Variants in PPARGC1B observed in about 807,000 individuals in gnomAD.
PPARGC1B encodes the protein peroxisome proliferator-activated receptor gamma coactivator 1-beta.
Under a neutral mutation model 101.6 loss-of-function variants are expected in PPARGC1B, and 34 were observed. That is an observed-to-expected ratio of 0.33 (90% CI 0.25 to 0.45). The LOEUF is 0.45. Among genes scored for constraint, PPARGC1B ranks in the 20% least tolerant of loss-of-function variants. The pLI is 1.00. For missense variants in PPARGC1B, 1,234 were observed against 1,317.6 expected, an observed-to-expected ratio of 0.94 and a Z score of 0.98; for synonymous variants, 548 against 539.3, an observed-to-expected ratio of 1.02 and a Z score of -0.22.
chr5:149,810,709 G>A (rs1300925345), intron 1 of PPARGC1B, among the ~76,000 whole-genome samples: 1 of 152,230 alleles, frequency 6.6e-6, no homozygotes, highest in East Asian at 1.9e-4. Flanking sequence ...AAAGTGGCCT[G>A]TCTGGAAACT....
At chr5:149,757,803 G>A (rs1034528294) in intron 1 of PPARGC1B, among the ~76,000 whole-genome samples, 2 of 152,190 alleles carry the variant, frequency 1.3e-5, no homozygotes, top group Non-Finnish European at 2.9e-5. Context: ...AACTAGCGTG[G>A]CTAGCTCATG....
chr5:149,817,513 G>A (rs540749210), intron 1 of PPARGC1B: 10 of 338,954 alleles, frequency 3.0e-5, no homozygotes, highest in South Asian at 2.4e-4. Context: ...GATAGATTTT[G>A]TTTCCTGTTA....
chr5:149,763,924 C>T (rs563807377), intron 1 of PPARGC1B, among the ~76,000 whole-genome samples: 47 of 152,228 alleles, frequency 3.1e-4, no homozygotes, highest in African/African-American at 1.1e-3. Context: ...GCTGGGATTA[C>T]AGGCGCAGCA....
chr5:149,791,789 C>T (rs1757031178), intron 1 of PPARGC1B, among the ~76,000 whole-genome samples: 1 of 152,178 alleles, frequency 6.6e-6, no homozygotes, highest in South Asian at 2.1e-4. Context: ...AGTACCCTTC[C>T]CTACCTTTAA....
At chr5:149,840,957 T>C (rs147411698) in intron 9 of PPARGC1B, among the ~76,000 whole-genome samples, 4 of 152,280 alleles carry the variant, frequency 2.6e-5, no homozygotes, top group South Asian at 4.1e-4. Context: ...GAGCATCTTC[T>C]TGGAGTCTGG....
Position 149,833,297 on chromosome 5 carries a change from C to G in PPARGC1B, c.1224C>G (p.Ser408Arg). 6.2e-7 allele frequency: 1 copy of G among 1,613,438 alleles called. No homozygotes were observed. Among genetic ancestry groups the G allele is most frequent in the South Asian group, 1.1e-5 (1 of 91,076 alleles). Residue 408 changes from serine to arginine, a missense_variant, in exon 5 of 12, where the codon AGC (serine) becomes AGG (arginine). Coordinates refer to ENST00000309241, the MANE Select transcript of PPARGC1B (RefSeq NM_133263.4). This position sits in a 1 kb window ranked among gnomAD's most constrained non-coding sequence, Gnocchi z 4.1. ...CCAAGAGCACCGGGCCCAGACCAAG[C>G]CTGCGCCCACTGCGGCTGGAGGTGA... ...ASPKSTGPRP[S>R]LRPLRLEVKR...
chr5:149,835,257 T>C (rs1758998257), intron 6 of PPARGC1B, 44 bp from the exon 7 acceptor site: 3 of 1,592,368 alleles, frequency 1.9e-6, no homozygotes, highest in African/African-American at 1.3e-5. Flanking sequence ...GGATGCCTGC[T>C]GCTGACTTGC....
intron 1 of PPARGC1B, among the ~76,000 whole-genome samples, chr5:149,798,260 G>A (rs890840892): frequency 2.6e-5 from 4 of 152,146 alleles, no homozygotes; most frequent in East Asian, 1.9e-4. Context: ...AATAGAGTCC[G>A]CACCACAAAA....
intron 1 of PPARGC1B, among the ~76,000 whole-genome samples, chr5:149,794,551 C>CACACACAT (rs758449092): frequency 6.9e-6 from 1 of 144,298 alleles, no homozygotes; most frequent in East Asian, 2.0e-4. Context: ...CACACACACA[C>CACACACAT]ACATTCAAGC....
rs775415774 is a variant in PPARGC1B, at chr5:149,837,012, C to CGCTCAA, written c.2562_2567dup (p.Ser855_Ser856dup). ...CAACCGGCAGCTCTGTTCCCGCAGC[C>CGCTCAA]GCTCAAGCTCTGGCTCTTCACCCTG... On this transcript the variant is annotated inframe_insertion, in exon 8 of 12. Coordinates refer to ENST00000309241, the MANE Select transcript of PPARGC1B (RefSeq NM_133263.4). This position sits in a 1 kb window ranked among gnomAD's most constrained non-coding sequence, Gnocchi z 4.2. The CGCTCAA allele has an allele frequency of 1.7e-5, 27 of 1,613,924 alleles. No individual in the cohort carries two copies. Among genetic ancestry groups the CGCTCAA allele is most frequent in the Non-Finnish European group, 1.9e-5 (22 of 1,180,040 alleles).
chr5:149,780,713 A>G (rs1237120193), intron 1 of PPARGC1B, among the ~76,000 whole-genome samples: 2 of 152,268 alleles, frequency 1.3e-5, no homozygotes, highest in African/African-American at 2.4e-5. Context: ...TTCTGTCACC[A>G]AAGTAGCCAA....
rs1158012342 is a variant in PPARGC1B, at chr5:149,778,100, CACACACACACAG to C, written c.79-42331_79-42320del. Among the ~76,000 whole-genome samples, 546 of 129,808 alleles carry C rather than the reference CACACACACACAG, an allele frequency of 4.2e-3. 107 individuals carry two copies. Among genetic ancestry groups the C allele is most frequent in the East Asian group, 0.024 (105 of 4,366 alleles). The allele number at this position is 129,808 out of a possible 152,430, so 85.2% of individuals were successfully genotyped here. A position where few individuals can be genotyped will look rare whatever the true frequency, so the allele number is the denominator to read the frequency against. ...ACACACACACACACACACACACACA[CACACACACACAG>C]AGTACCCAGCTGCTCACATTCCATG... is the stretch of plus-strand genomic sequence containing the variant. On this transcript the variant is annotated intron_variant, in intron 1 of 11. Coordinates refer to ENST00000309241, the MANE Select transcript of PPARGC1B (RefSeq NM_133263.4).
rs1202433847 is a variant in PPARGC1B at position 149,834,722 on chromosome 5, G to T, written c.1742+12G>T. 11 of 1,609,324 alleles carry T rather than the reference G, an allele frequency of 6.8e-6. No homozygotes were observed. The Admixed American group carries it at 1.8e-4, about 27-fold the overall frequency. On this transcript the variant is annotated intron_variant, in intron 6 of 11. Coordinates refer to ENST00000309241, the MANE Select transcript of PPARGC1B (RefSeq NM_133263.4). ...GCCTTGTCACAAAGGTAGATTTTTA[G>T]AAATTATTGGTGTATTGTTCCATGA...
chr5:149,834,611 A>G (rs1758965006), intron 5 of PPARGC1B, 63 bp from the exon 6 acceptor site: 2 of 1,518,036 alleles, frequency 1.3e-6, no homozygotes, highest in Non-Finnish European at 1.8e-6. Flanking sequence ...TCTCCTCCAG[A>G]GGGGAAACAT....
At chr5:149,777,149 G>A (rs1756393686) in intron 1 of PPARGC1B, among the ~76,000 whole-genome samples, 1 of 152,206 alleles carries the variant, frequency 6.6e-6, no homozygotes, top group South Asian at 2.1e-4. Flanking sequence ...TGTTTTTGCT[G>A]AGGCAGTTTT....
chr5:149,743,485 A>G (rs1387460837), intron 1 of PPARGC1B, among the ~76,000 whole-genome samples: 3 of 151,894 alleles, frequency 2.0e-5, no homozygotes, highest in African/African-American at 4.8e-5. Context: ...CCTCTTCTCT[A>G]CCCAGTTGGG....
At chr5:149,845,661 G>A (rs1227389642) in intron 10 of PPARGC1B, 99 bp from the exon 11 acceptor site, 28 of 1,285,310 alleles carry the variant, frequency 2.2e-5, no homozygotes, top group South Asian at 8.8e-5. Context: ...TGTGGGTATC[G>A]AATCACTGTG....
intron 10 of PPARGC1B, 119 bp from the exon 11 acceptor site, chr5:149,845,641 G>C: frequency 9.8e-7 from 1 of 1,021,650 alleles, no homozygotes; most frequent in Non-Finnish European, 1.5e-6. Flanking sequence ...CTATCTAGGG[G>C]GCCACGTGAT....
chr5:149,760,912 A>G (rs1389594562), intron 1 of PPARGC1B, among the ~76,000 whole-genome samples: 1 of 152,074 alleles, frequency 6.6e-6, no homozygotes, highest in African/African-American at 2.4e-5. Flanking sequence ...GGGGATGGGG[A>G]TTAATGGGGA....
Sources: allele counts gnomAD v4.1 joint callset (sites outside exome capture counted in the v4.1 genomes callset), GRCh38; gene constraint gnomAD v4.1.1; non-coding constraint Gnocchi (gnomAD v3.1); transcripts MANE v1.5; gene names NCBI Gene and HGNC (gene_info 2026-07-23, HGNC 2026-07-21).